MAGI1: variants seen among roughly 807,000 people sequenced by gnomAD.
MAGI1 encodes membrane associated guanylate kinase, WW and PDZ domain containing 1, also known as membrane-associated guanylate kinase, WW and PDZ domain-containing protein 1.
A neutral mutation model predicts 139.9 loss-of-function variants in MAGI1; 58 were observed. The ratio of observed to expected loss-of-function variants is 0.41; its 90% CI spans 0.34 to 0.52. The LOEUF (loss-of-function observed/expected upper bound fraction) is 0.52, where lower values mean the gene tolerates loss of function less well. Among genes scored for constraint, MAGI1 ranks in the 20% least tolerant of loss-of-function variants. The pLI is 0.12. For synonymous variants in MAGI1, 812 were observed against 737.9 expected, an observed-to-expected ratio of 1.10 and a Z score of -1.63; for missense variants, 1,874 against 1,901.6, an observed-to-expected ratio of 0.99 and a Z score of 0.27.
intron 13 of MAGI1, among the ~76,000 whole-genome samples, chr3:65,391,914 T>C (rs1943948265): frequency 1.3e-5 from 2 of 152,218 alleles, no homozygotes; most frequent in African/African-American, 4.8e-5. Context: ...TAGTATTATA[T>C]GTTTACTGGT....
chr3:65,904,146 A>T (rs192135877), intron 1 of MAGI1, among the ~76,000 whole-genome samples: 7 of 152,314 alleles, frequency 4.6e-5, no homozygotes, highest in Admixed American at 4.6e-4. Context: ...TTCAGTTCTC[A>T]ACTTTCCAAC....
chr3:65,464,614 G>T (rs763604430), intron 5 of MAGI1, among the ~76,000 whole-genome samples: 1 of 152,068 alleles, frequency 6.6e-6, no homozygotes, highest in Non-Finnish European at 1.5e-5. Context: ...ACATTTACAA[G>T]ATATATTTTT....
intron 1 of MAGI1, among the ~76,000 whole-genome samples, chr3:65,753,118 G>C (rs933043634): frequency 1.3e-5 from 2 of 152,106 alleles, no homozygotes; most frequent in African/African-American, 4.8e-5. Context: ...TTACGTCATA[G>C]TGCAACACCA....
intron 12 of MAGI1, among the ~76,000 whole-genome samples, chr3:65,423,246 T>C (rs2107291184): frequency 6.6e-6 from 1 of 152,288 alleles, no homozygotes; most frequent in South Asian, 2.1e-4. Flanking sequence ...GTACAATTCA[T>C]TCTCTGGTCC....
intron 1 of MAGI1, among the ~76,000 whole-genome samples, chr3:65,762,726 A>AT (rs2037137003): frequency 1.2e-3 from 2 of 1,638 alleles, no homozygotes; most frequent in Admixed American, 0.033. Flanking sequence ...TTGAATTCTT[A>AT]CACCACCCAC....
Position 66,023,884 on chromosome 3 carries a change from G to A in MAGI1, c.313+14112C>T, listed in dbSNP as rs114354742. On this transcript the variant is annotated intron_variant, in intron 1 of 22. Transcript: ENST00000402939. ...GACTTTGCACCCAGTTCTAAGACCCGGCAGACCAGGGCCCTGGGACAAAAT... is the reference window on the plus strand; with the variant it reads ...GACTTTGCACCCAGTTCTAAGACCCAGCAGACCAGGGCCCTGGGACAAAAT... 2.0e-3 allele frequency among the ~76,000 whole-genome samples: 299 copies of A among 152,160 alleles called. 1 individual carries two copies. The highest frequency in any genetic ancestry group is 3.3e-3 in the Non-Finnish European group (224 of 68,010).
intron 1 of MAGI1, among the ~76,000 whole-genome samples, chr3:65,628,077 T>C (rs547812652): frequency 6.6e-6 from 1 of 152,222 alleles, no homozygotes; most frequent in South Asian, 2.1e-4. Context: ...TTTTAGCAAA[T>C]GTGTGGGGTT....
At chr3:65,394,693 A>C (rs201993409) in intron 13 of MAGI1, among the ~76,000 whole-genome samples, 1 of 133,162 alleles carries the variant, frequency 7.5e-6, no homozygotes, top group Admixed American at 7.4e-5. Context: ...TTTTTTTTTT[A>C]TTTTCTGTTA....
At chr3:65,471,585 C>A (rs923241333) in intron 4 of MAGI1, among the ~76,000 whole-genome samples, 2 of 152,126 alleles carry the variant, frequency 1.3e-5, no homozygotes, top group Admixed American at 6.5e-5. Context: ...TAGGTATTCC[C>A]AGCCCTGCAT....
intron 1 of MAGI1, among the ~76,000 whole-genome samples, chr3:65,729,642 G>T (rs2033985443): frequency 6.6e-6 from 1 of 152,144 alleles, no homozygotes; most frequent in South Asian, 2.1e-4. Flanking sequence ...TTGAGCAAAT[G>T]TGTGTTTGCT....
chr3:65,873,002 A>T (rs1222379999), intron 1 of MAGI1: 2 of 152,242 alleles, frequency 1.3e-5, no homozygotes, highest in Middle Eastern at 3.2e-3. Context: ...GTAATACCTC[A>T]ATTAAAAGGT....
At chr3:65,686,398 T>C (rs1251299683) in intron 1 of MAGI1, among the ~76,000 whole-genome samples, 1 of 152,194 alleles carries the variant, frequency 6.6e-6, no homozygotes, top group African/African-American at 2.4e-5. Context: ...TTCAAGCGAT[T>C]CTCCTGCCTC....
intron 1 of MAGI1, among the ~76,000 whole-genome samples, chr3:65,845,924 A>G (rs1179583603): frequency 6.6e-6 from 1 of 152,242 alleles, no homozygotes; most frequent in African/African-American, 2.4e-5. Context: ...AAAGCCTATC[A>G]GATTCTTTTG....
rs1457707828 is a variant in MAGI1 at position 65,530,779 on chromosome 3, A to G, written c.431-37148T>C. ...CACGTATATATATATATATACACAC[A>G]TATATATACACGTATATATATATAT... On this transcript the variant is annotated intron_variant, in intron 2 of 22. Transcript: ENST00000402939. 5.2e-4 allele frequency among the ~76,000 whole-genome samples: 46 copies of G among 88,998 alleles called. 5 individuals are homozygous for G. The highest frequency in any genetic ancestry group is 2.4e-3 in the African/African-American group (41 of 16,772). The allele number at this position is 88,998 out of a possible 152,430, so 58.4% of individuals were successfully genotyped here.
chr3:65,990,850 G>C (rs972844735), intron 1 of MAGI1, among the ~76,000 whole-genome samples: 1 of 152,096 alleles, frequency 6.6e-6, no homozygotes, highest in Non-Finnish European at 1.5e-5. Flanking sequence ...AGCTGGATGT[G>C]GTGGTGCATG....
At chr3:65,876,125 C>CAA (rs201926706) in intron 1 of MAGI1, among the ~76,000 whole-genome samples, 21 of 113,278 alleles carry the variant, frequency 1.9e-4, no homozygotes, top group African/African-American at 5.8e-4. Flanking sequence ...GAAAATTAAG[C>CAA]AAAAAAAAAA....
chr3:65,980,564 C>CAA (rs11410142), intron 1 of MAGI1, among the ~76,000 whole-genome samples: 11,755 of 127,432 alleles, frequency 0.092, 697 homozygotes, highest in South Asian at 0.16. Flanking sequence ...GACTCCATCT[C>CAA]AAAAAAAAAA....
intron 6 of MAGI1, 177 bp downstream of exon 6, chr3:65,453,081 T>C (rs2107496681): frequency 1.7e-6 from 1 of 604,044 alleles, no homozygotes; most frequent in Non-Finnish European, 3.0e-6. Flanking sequence ...AATTCTTCTC[T>C]TGAAACAACT....
chr3:65,493,423 A>G, intron 3 of MAGI1, 89 bp downstream of exon 3: 1 of 1,541,436 alleles, frequency 6.5e-7, no homozygotes, highest in Non-Finnish European at 8.9e-7. Context: ...AGACCTCCAG[A>G]TTCCACAAAA....
Sources: gnomAD v4.1 joint callset for allele counts (sites outside exome capture counted in the v4.1 genomes callset) on GRCh38, gnomAD v4.1.1 for gene constraint, MANE v1.5 for transcripts, NCBI Gene and HGNC (gene_info 2026-07-23, HGNC 2026-07-21) for gene names.